Variants in PABPC1L observed in about 807,000 individuals in gnomAD.
PABPC1L encodes polyadenylate-binding protein 1-like.
PABPC1L carries 31 observed loss-of-function variants against 66.6 expected under a neutral mutation model. The ratio of observed to expected loss-of-function variants is 0.47; its 90% CI spans 0.35 to 0.63. PABPC1L has a LOEUF of 0.63. Among genes scored for constraint, PABPC1L ranks in the 20% least tolerant of loss-of-function variants. The probability of loss-of-function intolerance (pLI) is 0.00; values close to 1 mark genes in which losing one functional copy is unlikely to be tolerated. For missense variants in PABPC1L, 722 were observed against 848.8 expected, an observed-to-expected ratio of 0.85 and a Z score of 1.86; for synonymous variants, 348 against 335.1, an observed-to-expected ratio of 1.04 and a Z score of -0.42.
At chr20:44,911,174 ATAAATAAG>A (rs1203550997) in intron 1 of PABPC1L, among the ~76,000 whole-genome samples, 3 of 131,782 alleles carry the variant, frequency 2.3e-5, no homozygotes, top group Non-Finnish European at 4.9e-5. Context: ...AAATAAATAA[ATAAATAAG>A]GCCAGGCGCA....
Position 44,938,045 on chromosome 20 carries a change from A to G in PABPC1L, c.1661-16A>G. On this transcript the variant is annotated splice_polypyrimidine_tract_variant and intron_variant, in intron 12 of 14. Transcript: ENST00000217073. ...AGCTAGGCCGTGCACAAGCCATTAGAAGGTGTTCCACACAGGGGAGCGTCT... is the reference window on the plus strand; with the variant it reads ...AGCTAGGCCGTGCACAAGCCATTAGGAGGTGTTCCACACAGGGGAGCGTCT... 1 of 1,614,064 alleles carries G rather than the reference A, an allele frequency of 6.2e-7. No individual in the cohort carries two copies. The highest frequency in any genetic ancestry group is 8.5e-7 in the Non-Finnish European group (1 of 1,179,970).
Position 44,933,171 on chromosome 20 carries a change from A to T in PABPC1L, c.1445A>T (p.His482Leu). 1 of 1,606,906 alleles carries T rather than the reference A, an allele frequency of 6.2e-7. No individual in the cohort carries two copies. Among genetic ancestry groups the T allele is most frequent in the South Asian group, 1.1e-5 (1 of 89,318 alleles). Residue 482 changes from histidine (H) to leucine (L), a missense_variant, in exon 10 of 15, where the codon CAT becomes CTT. Around this residue, in one of 3 missense-constraint regions of PABPC1L, gnomAD observed 301 missense variants for 337.2 expected, o/e 0.89. Coordinates refer to ENST00000217073, the MANE Select transcript of PABPC1L (RefSeq NM_001372179.1). Reference sequence around the variant, plus strand: ...ACCCAGGTGCCACGCACGGTGCCTCATACCCAGAGAGTAGGTGAGTGTGGG... The same window carrying T: ...ACCCAGGTGCCACGCACGGTGCCTCTTACCCAGAGAGTAGGTGAGTGTGGG... ...ASTQVPRTVP[H>L]TQRVANIGTQ...
At chr20:44,922,591 G>A (rs554873711) in intron 6 of PABPC1L, among the ~76,000 whole-genome samples, 1 of 151,950 alleles carries the variant, frequency 6.6e-6, no homozygotes, top group Non-Finnish European at 1.5e-5. Context: ...GGCTGGTCTC[G>A]AACTCCTGAC....
In PABPC1L at chr20:44,938,840, C is replaced by T. The variant is rs148337580; in HGVS notation, c.*6+92C>T. 3.2e-4 allele frequency: 406 copies of T among 1,274,706 alleles called. 1 individual carries two copies. The African/African-American group carries it at 3.8e-3, about 12-fold the overall frequency. 79.0% of individuals were successfully genotyped at this position (1,274,706 alleles called of 1,614,324 possible). A position where few individuals can be genotyped will look rare whatever the true frequency, so the allele number is the denominator to read the frequency against. ...CTTTCACAAACACTGAGAATTGCGC[C>T]GTGTTCCTGGCTTTCTCTGAAGCAC... On this transcript the variant is annotated intron_variant, in intron 14 of 14. Coordinates refer to ENST00000217073, the MANE Select transcript of PABPC1L (RefSeq NM_001372179.1).
Position 44,924,195 on chromosome 20 carries a change from C to A in PABPC1L, c.911C>A (p.Ser304Tyr). 1 of 1,614,080 alleles carries A rather than the reference C, an allele frequency of 6.2e-7. No homozygotes were observed. The highest frequency in any genetic ancestry group is 8.5e-7 in the Non-Finnish European group (1 of 1,179,966). The change falls in exon 7 of 15, where the codon TCC (serine) becomes TAC (tyrosine). Residue 304 changes from serine to tyrosine, a missense_variant. Ser to Tyr is a moderately radical substitution (Grantham distance 144). Transcript: ENST00000217073. ...VNLYVKNLDD[S>Y]IDDDKLRKEF... The stretch of plus-strand genomic sequence containing the variant: ...TTGTATGTGAAGAATCTGGACGACT[C>A]CATTGATGACGACAAACTGAGGAAA...
chr20:44,936,890 C>G (rs1253065460), intron 12 of PABPC1L, 160 bp downstream of exon 12: 3 of 730,812 alleles, frequency 4.1e-6, no homozygotes, highest in Non-Finnish European at 7.5e-6. Flanking sequence ...GCTCTATTCT[C>G]TAGGCACCTG....
At chr20:44,930,747 C>CCCA in intron 8 of PABPC1L, 21 bp downstream of exon 8, 2 of 1,605,610 alleles carry the variant, frequency 1.2e-6, no homozygotes, top group Admixed American at 3.3e-5. Context: ...GCCCGCAACT[C>CCCA]CCACCGCAGC....
chr20:44,935,878 T>C (rs890829754), intron 11 of PABPC1L, among the ~76,000 whole-genome samples: 19 of 152,220 alleles, frequency 1.2e-4, no homozygotes, highest in African/African-American at 4.6e-4. Context: ...AGGCCTAAAA[T>C]TCAGCATTAT....
chr20:44,918,781 T>C, intron 3 of PABPC1L, 125 bp from the exon 4 acceptor site: 1 of 1,191,210 alleles, frequency 8.4e-7, no homozygotes, highest in South Asian at 1.5e-5. Context: ...AGTATTGTCC[T>C]GCCCAGTTTC....
Position 44,910,129 on chromosome 20 carries a change from G to A in PABPC1L, c.-15G>A, listed in dbSNP as rs535232961. On this transcript the variant is annotated 5_prime_UTR_variant, in exon 1 of 15. Transcript: ENST00000217073. ...CGGCTCCTGCTTGCCCCGCAGCCCCGGCCCCCTGCCCACCATGAACGCCAG... is the reference window on the plus strand; with the variant it reads ...CGGCTCCTGCTTGCCCCGCAGCCCCAGCCCCCTGCCCACCATGAACGCCAG... 37 of 1,545,606 alleles carry A rather than the reference G, an allele frequency of 2.4e-5. 1 individual carries two copies. The South Asian group carries it at 4.3e-4, about 18-fold the overall frequency.
At chr20:44,924,913 T>A (rs566634305) in intron 7 of PABPC1L, among the ~76,000 whole-genome samples, 45 of 151,578 alleles carry the variant, frequency 3.0e-4, no homozygotes, top group Middle Eastern at 6.8e-3. Flanking sequence ...TTTTATTTTT[T>A]TTTTTTAAAG....
Position 44,910,174 on chromosome 20 carries a change from G to T in PABPC1L, c.31G>T (p.Ala11Ser), listed in dbSNP as rs770900403. 1.3e-6 allele frequency: 2 copies of T among 1,577,246 alleles called. No individual in the cohort carries two copies. Among genetic ancestry groups the T allele is most frequent in the South Asian group, 2.3e-5 (2 of 86,234 alleles). Residue 11 changes from alanine to serine, a missense_variant, in exon 1 of 15, where the codon GCC (alanine) becomes TCC (serine). Transcript: ENST00000217073. Reference protein sequence around the residue: MNASGSGYPLASLYVGDLHPD... With the variant: MNASGSGYPLSSLYVGDLHPD... ...CGCCAGCGGTTCTGGCTACCCGCTT[G>T]CCTCGCTTTACGTGGGCGATCTGCA... is the stretch of plus-strand genomic sequence containing the variant.
intron 2 of PABPC1L, among the ~76,000 whole-genome samples, chr20:44,916,149 G>A (rs2066736286): frequency 6.6e-6 from 1 of 152,230 alleles, no homozygotes; most frequent in Admixed American, 6.5e-5. Context: ...AAACAAGGAT[G>A]CAGATATGGG....
At chr20:44,927,349 A>G (rs1465332475) in intron 7 of PABPC1L, among the ~76,000 whole-genome samples, 1 of 150,048 alleles carries the variant, frequency 6.7e-6, no homozygotes, top group East Asian at 1.9e-4. Flanking sequence ...CAATATATAT[A>G]TATTTTTTTT....
At chr20:44,916,937 G>A in intron 3 of PABPC1L, 66 bp downstream of exon 3, 1 of 1,467,602 alleles carries the variant, frequency 6.8e-7, no homozygotes, top group Non-Finnish European at 9.5e-7. Flanking sequence ...CACCGACTAG[G>A]AATCGATGCT....
At chr20:44,911,657 G>C (rs2066705863) in intron 1 of PABPC1L, among the ~76,000 whole-genome samples, 1 of 152,086 alleles carries the variant, frequency 6.6e-6, no homozygotes, top group Admixed American at 6.6e-5. Context: ...TGTTCCGCCG[G>C]GCCTGTTCCC....
intron 9 of PABPC1L, 173 bp from the exon 10 acceptor site, chr20:44,932,884 C>G (rs2066872151): frequency 5.1e-6 from 3 of 592,648 alleles, no homozygotes; most frequent in Non-Finnish European, 9.1e-6. Flanking sequence ...CCTACACTCC[C>G]CCTTTCTGGA....
At chr20:44,932,580 T>C (rs2066869287) in intron 9 of PABPC1L, 148 bp downstream of exon 9, 1 of 633,394 alleles carries the variant, frequency 1.6e-6, no homozygotes, top group African/African-American at 1.8e-5. Context: ...CTTCTGAGCA[T>C]GGGCCTGAAT....
chr20:44,924,932 G>T (rs2066798756), intron 7 of PABPC1L, among the ~76,000 whole-genome samples: 1 of 144,870 alleles, frequency 6.9e-6, no homozygotes, highest in African/African-American at 2.9e-5. Context: ...AGCTCCCAGA[G>T]GCTGGGCAAT....
Sources: gnomAD v4.1 joint callset for allele counts (sites outside exome capture counted in the v4.1 genomes callset) on GRCh38, gnomAD v4.1.1 for gene constraint, gnomAD v4.1.1 regional missense constraint, MANE v1.5 for transcripts, NCBI Gene and HGNC (gene_info 2026-07-23, HGNC 2026-07-21) for gene names.